FBLN7: variants seen among roughly 807,000 people sequenced by gnomAD.
FBLN7 encodes fibulin-7.
Under a neutral mutation model 44.0 loss-of-function variants are expected in FBLN7, and 31 were observed. That is an observed-to-expected ratio of 0.70 (90% CI 0.53 to 0.95). FBLN7 has a LOEUF of 0.95. Among genes scored for constraint, FBLN7 ranks in the 40% least tolerant of loss-of-function variants. The probability of loss-of-function intolerance (pLI) is 0.00; values close to 1 mark genes in which losing one functional copy is unlikely to be tolerated. For missense variants in FBLN7, 573 were observed against 618.5 expected (o/e 0.93, Z 0.78); for synonymous variants, 262 against 253.4 (o/e 1.03, Z -0.32).
chr2:112,194,726 T>A, the FBLN7 span, among the ~76,000 whole-genome samples: 1 of 152,228 alleles, frequency 6.6e-6, no homozygotes, highest in African/African-American at 2.4e-5. Flanking sequence ...TGTTTGGGTT[T>A]CCAGTGCCTC....
the FBLN7 span, among the ~76,000 whole-genome samples, chr2:112,225,127 G>C: frequency 6.6e-6 from 1 of 152,038 alleles, no homozygotes; most frequent in African/African-American, 2.4e-5. Flanking sequence ...TATTGATCTT[G>C]TTTCCTGAGA....
At chr2:112,229,343 A>G in the FBLN7 span, among the ~76,000 whole-genome samples, 3 of 152,328 alleles carry the variant, frequency 2.0e-5, no homozygotes, top group Admixed American at 6.5e-5. Context: ...TTTTCTCCCT[A>G]GAGTTACAGT....
chr2:112,227,530 A>G, the FBLN7 span, among the ~76,000 whole-genome samples: 6,923 of 152,344 alleles, frequency 0.045, 256 homozygotes, highest in African/African-American at 0.091. Context: ...TTGTCTCAAA[A>G]AACAAAGGAA....
chr2:112,173,591 G>A (rs1483909594), intron 3 of FBLN7, among the ~76,000 whole-genome samples: 5 of 152,164 alleles, frequency 3.3e-5, no homozygotes, highest in Non-Finnish European at 5.9e-5. Flanking sequence ...AAAAAAGTTC[G>A]GTCATGCATA....
At chr2:112,241,695 T>C in the FBLN7 span, among the ~76,000 whole-genome samples, 2 of 152,230 alleles carry the variant, frequency 1.3e-5, no homozygotes, top group African/African-American at 2.4e-5. Flanking sequence ...TATCACATTA[T>C]AGTTGTTGCA....
chr2:112,219,994 T>G, the FBLN7 span, among the ~76,000 whole-genome samples: 1 of 152,234 alleles, frequency 6.6e-6, no homozygotes, highest in Non-Finnish European at 1.5e-5. Context: ...TGTTTTCCAT[T>G]TGCTTAGTAG....
At chr2:112,206,733 G>GTTTTTTTTTTTTTT in the FBLN7 span, among the ~76,000 whole-genome samples, 52 of 123,002 alleles carry the variant, frequency 4.2e-4, no homozygotes, top group South Asian at 3.0e-3. Flanking sequence ...CTTATTGACT[G>GTTTTTTTTTTTTTT]TTTTTTTTTT....
At chr2:112,164,853 G>T in intron 2 of FBLN7, 148 bp from the exon 3 acceptor site, 1 of 834,480 alleles carries the variant, frequency 1.2e-6, no homozygotes, top group Non-Finnish European at 1.8e-6. Flanking sequence ...TTGATGAGAC[G>T]CAGCATGCAG....
chr2:112,185,502 G>T (rs1042099927), intron 7 of FBLN7, among the ~76,000 whole-genome samples, 163 bp downstream of exon 7: 7 of 152,144 alleles, frequency 4.6e-5, no homozygotes, highest in African/African-American at 1.7e-4. Context: ...CCGCTTAGTG[G>T]TTGCATTTAA....
At chr2:112,161,885 G>A (rs183016726) in intron 2 of FBLN7, among the ~76,000 whole-genome samples, 1 of 152,364 alleles carries the variant, frequency 6.6e-6, no homozygotes, top group East Asian at 1.9e-4. Flanking sequence ...GCGTGCAGAG[G>A]CTGATCCTGT....
intron 3 of FBLN7, among the ~76,000 whole-genome samples, chr2:112,169,087 G>A (rs955236378): frequency 6.6e-6 from 1 of 152,092 alleles, no homozygotes; most frequent in Non-Finnish European, 1.5e-5. Flanking sequence ...CCTGGCCAAC[G>A]TGGTGAAACC....
the FBLN7 span, among the ~76,000 whole-genome samples, chr2:112,226,555 C>T: frequency 8.3e-6 from 1 of 119,778 alleles, no homozygotes; most frequent in Non-Finnish European, 1.6e-5. Flanking sequence ...TGCCACTGCA[C>T]TCCAGCCTGG....
chr2:112,230,198 T>A, the FBLN7 span, among the ~76,000 whole-genome samples: 1 of 152,170 alleles, frequency 6.6e-6, no homozygotes, highest in Non-Finnish European at 1.5e-5. Flanking sequence ...ACTAAATTGG[T>A]TGAAATTAAA....
chr2:112,174,848 T>A (rs1201555116), intron 3 of FBLN7, among the ~76,000 whole-genome samples: 1 of 152,138 alleles, frequency 6.6e-6, no homozygotes, highest in Non-Finnish European at 1.5e-5. Flanking sequence ...TAGCTGGGAT[T>A]ACAGGCACAT....
At chr2:112,197,814 T>C in the FBLN7 span, among the ~76,000 whole-genome samples, 1 of 152,126 alleles carries the variant, frequency 6.6e-6, no homozygotes, top group Non-Finnish European at 1.5e-5. Flanking sequence ...GAGGGCAGAG[T>C]CATACTGGGA....
rs1553475753 is a variant in FBLN7, at chr2:112,165,069, G to A, written c.304G>A (p.Glu102Lys). ...KFGSKYLVDH[E>K]VHFTCNPGFR... ...TGGAAGCAAGTACTTAGTGGATCAC[G>A]AAGTCCATTTTACCTGCAACCCTGG... is the stretch of plus-strand genomic sequence containing the variant. The change falls in exon 3 of 8, where the codon GAA becomes AAA. Residue 102 changes from glutamate (E) to lysine (K), a missense_variant. Coordinates refer to ENST00000331203, the MANE Select transcript of FBLN7 (RefSeq NM_153214.3). 7.4e-6 allele frequency: 12 copies of A among 1,614,036 alleles called. No homozygotes were observed. The highest frequency in any genetic ancestry group is 1.1e-5 in the South Asian group (1 of 91,086).
At chr2:112,216,400 A>T in the FBLN7 span, 4 of 152,310 alleles carry the variant, frequency 2.6e-5, no homozygotes, top group Non-Finnish European at 5.9e-5. Context: ...AAACTACTCC[A>T]AATCACCAGT....
Position 112,168,284 on chromosome 2 carries a change from C to G in FBLN7, c.406+3113C>G, listed in dbSNP as rs183979202. On this transcript the variant is annotated intron_variant, in intron 3 of 7. Transcript: ENST00000331203. ...CCCACCTTCGGGATGCCTACTCAGACAGCATGTGCTATCAAAAACTTGGGA... is the reference window on the plus strand; with the variant it reads ...CCCACCTTCGGGATGCCTACTCAGAGAGCATGTGCTATCAAAAACTTGGGA... Among the ~76,000 whole-genome samples, 12 of 152,348 alleles carry G rather than the reference C, an allele frequency of 7.9e-5. No homozygotes were observed. The East Asian group carries it at 2.3e-3, about 29-fold the overall frequency.
chr2:112,194,689 A>G, the FBLN7 span, among the ~76,000 whole-genome samples: 1 of 152,154 alleles, frequency 6.6e-6, no homozygotes, highest in Non-Finnish European at 1.5e-5. Context: ...TTTAGGGCCA[A>G]TTTTCAAAAC....
Sources: gnomAD v4.1 joint callset for allele counts (sites outside exome capture counted in the v4.1 genomes callset) on GRCh38, gnomAD v4.1.1 for gene constraint, MANE v1.5 for transcripts, NCBI Gene and HGNC (gene_info 2026-07-23, HGNC 2026-07-21) for gene names.